PTPRJ: variants seen among roughly 807,000 people sequenced by gnomAD.
PTPRJ encodes the protein protein tyrosine phosphatase receptor type J, also known as receptor-type tyrosine-protein phosphatase eta.
In PTPRJ, 129 loss-of-function variants were observed where a neutral mutation model predicts 141.3. That is an observed-to-expected ratio of 0.91 (90% CI 0.79 to 1.06). The LOEUF is 1.06. Among genes scored for constraint, PTPRJ ranks in the 50% least tolerant of loss-of-function variants. The pLI is 0.00. For synonymous variants in PTPRJ, 610 were observed against 640.5 expected, an observed-to-expected ratio of 0.95 and a Z score of 0.72; for missense variants, 1,601 against 1,679.7, an observed-to-expected ratio of 0.95 and a Z score of 0.82.
chr11:48,129,017 A>G (rs1158070857), intron 7 of PTPRJ, among the ~76,000 whole-genome samples: 9 of 152,200 alleles, frequency 5.9e-5, no homozygotes. Context: ...ACAAAACCCA[A>G]GTATCCGTGG....
At chr11:48,165,632 T>C (rs537230015) in intron 24 of PTPRJ, among the ~76,000 whole-genome samples, 1 of 152,328 alleles carries the variant, frequency 6.6e-6, no homozygotes, top group Admixed American at 6.5e-5. Flanking sequence ...TTGCGTGCTC[T>C]GGGGTGAGCT....
At position 48,144,885 on chromosome 11, in the gene PTPRJ, G is replaced by T. The variant is rs772518466; in HGVS notation, c.2786G>T (p.Arg929Leu). ...AAGCTGGAACCTCTGGGCTCCTACC[G>T]GTAATGTCTTCTGGTTCTTACTCTT... ...NGKLEPLGSY[R>L]ACVAGFTNIT... Residue 929 changes from arginine to leucine, a missense_variant and splice_region_variant, in exon 13 of 25, where the codon CGG becomes CTG. Physicochemically the swap from Arg to Leu is moderately radical, Grantham distance 102. Transcript: ENST00000418331. 3 of 1,614,060 alleles carry T rather than the reference G, an allele frequency of 1.9e-6. No homozygotes were observed. Among genetic ancestry groups the T allele is most frequent in the Non-Finnish European group, 2.5e-6 (3 of 1,179,964 alleles).
At chr11:48,135,476 CTTTTTT>C (rs34709299) in intron 8 of PTPRJ, among the ~76,000 whole-genome samples, 4 of 58,218 alleles carry the variant, frequency 6.9e-5, no homozygotes, top group Non-Finnish European at 1.2e-4. Context: ...CGCGCCTGGC[CTTTTTT>C]TTTTTTTTTT....
In PTPRJ at chr11:48,124,877, T is replaced by C. The variant is rs566284865; in HGVS notation, c.875-91T>C. On this transcript the variant is annotated intron_variant, in intron 5 of 24. Coordinates refer to ENST00000418331, the MANE Select transcript of PTPRJ (RefSeq NM_002843.4). Reference sequence around the variant, plus strand: ...AGCACCAACTGTGGCCACTGTCTGATGGCCATCTGATGGGGTTGGGGCTCC... The same window carrying C: ...AGCACCAACTGTGGCCACTGTCTGACGGCCATCTGATGGGGTTGGGGCTCC... The C allele has an allele frequency of 5.8e-6, 7 of 1,202,278 alleles. No homozygotes were observed. In the East Asian group the frequency reaches 1.4e-4, roughly 24 times the overall value. 74.5% of individuals were successfully genotyped at this position (1,202,278 alleles called of 1,614,324 possible).
In PTPRJ at chr11:48,013,671, C is replaced by T. The variant is rs536256571; in HGVS notation, c.96+32663C>T. On this transcript the variant is annotated intron_variant, in intron 1 of 24. Transcript: ENST00000418331. ...AGAGGCGGGGCAGTGGGGCAGCTCA[C>T]GGCTGTGTGGGTAAGTAAGCAGTGA... is the stretch of plus-strand genomic sequence containing the variant. 3.6e-4 allele frequency among the ~76,000 whole-genome samples: 55 copies of T among 152,118 alleles called. 1 individual carries two copies. The South Asian group carries it at 9.6e-3, about 26-fold the overall frequency.
At chr11:48,057,730 A>G (rs1265176283) in intron 1 of PTPRJ, among the ~76,000 whole-genome samples, 1 of 152,082 alleles carries the variant, frequency 6.6e-6, no homozygotes, top group Non-Finnish European at 1.5e-5. Flanking sequence ...TGGAAGCCAG[A>G]CGTAGGGAAG....
chr11:48,103,289 T>C (rs1209068382), intron 1 of PTPRJ, among the ~76,000 whole-genome samples: 1 of 152,052 alleles, frequency 6.6e-6, no homozygotes, highest in Non-Finnish European at 1.5e-5. Flanking sequence ...GGAGACCCCA[T>C]TTCTACAAAA....
At chr11:48,038,733 A>G in intron 1 of PTPRJ, among the ~76,000 whole-genome samples, 1 of 148,302 alleles carries the variant, frequency 6.7e-6, no homozygotes, top group East Asian at 2.0e-4. Flanking sequence ...CTCGTGATCC[A>G]CCCACCTTGG....
intron 1 of PTPRJ, among the ~76,000 whole-genome samples, chr11:48,033,499 C>T (rs531863379): frequency 2.0e-4 from 30 of 152,202 alleles, no homozygotes; most frequent in African/African-American, 6.5e-4. Context: ...CCAGGCTCAG[C>T]GGATGTTCCT....
At chr11:48,161,947 A>T (rs61915956) in intron 22 of PTPRJ, among the ~76,000 whole-genome samples, 5,114 of 152,144 alleles carry the variant, frequency 0.034, 131 homozygotes, top group Non-Finnish European at 0.051. Context: ...TGCTCATTTG[A>T]ACTGACTGGC....
At chr11:48,139,034 G>A (rs752967515) in intron 10 of PTPRJ, among the ~76,000 whole-genome samples, 10 of 152,180 alleles carry the variant, frequency 6.6e-5, no homozygotes, top group Non-Finnish European at 1.2e-4. Flanking sequence ...TTGGGAGGCT[G>A]ACACAGGAGA....
chr11:48,061,996 T>C (rs987469642), intron 1 of PTPRJ, among the ~76,000 whole-genome samples: 1 of 150,418 alleles, frequency 6.6e-6, no homozygotes, highest in Admixed American at 6.7e-5. Context: ...GGCTCAGCCC[T>C]TGGGCTCAAA....
chr11:48,117,638 C>T (rs985608084), intron 3 of PTPRJ, among the ~76,000 whole-genome samples: 3 of 143,984 alleles, frequency 2.1e-5, no homozygotes, highest in Non-Finnish European at 4.5e-5. Context: ...ACAAAACCCT[C>T]AAGTAAATAA....
intron 22 of PTPRJ, among the ~76,000 whole-genome samples, chr11:48,161,374 G>A (rs930548172): frequency 6.6e-6 from 1 of 151,956 alleles, no homozygotes; most frequent in Non-Finnish European, 1.5e-5. Flanking sequence ...TGGGTTTTGG[G>A]GGTTGATGGG....
intron 1 of PTPRJ, among the ~76,000 whole-genome samples, chr11:48,076,261 A>G (rs535346728): frequency 2.5e-4 from 38 of 152,274 alleles, no homozygotes; most frequent in Non-Finnish European, 3.8e-4. Flanking sequence ...CTCTCCAAGC[A>G]TTGGTGTCTT....
chr11:48,102,925 C>T lies in PTPRJ; in HGVS notation c.97-7133C>T, dbSNP rs1028973528. On this transcript the variant is annotated intron_variant, in intron 1 of 24. Coordinates refer to ENST00000418331, the MANE Select transcript of PTPRJ (RefSeq NM_002843.4). ...GAAGAGATTAGCCCTGTGGAGGAGTCCAGGATTTGTATTTTAGTCTTGGTA... is the reference window on the plus strand; with the variant it reads ...GAAGAGATTAGCCCTGTGGAGGAGTTCAGGATTTGTATTTTAGTCTTGGTA... 7.9e-5 allele frequency among the ~76,000 whole-genome samples: 12 copies of T among 152,078 alleles called. No homozygotes were observed. In the South Asian group the frequency reaches 1.5e-3, roughly 18 times the overall value.
At chr11:48,091,482 T>A (rs961099659) in intron 1 of PTPRJ, among the ~76,000 whole-genome samples, 19 of 152,342 alleles carry the variant, frequency 1.2e-4, no homozygotes, top group African/African-American at 4.6e-4. Context: ...TAGGGCAGGA[T>A]AGCTCTTGTT....
intron 1 of PTPRJ, among the ~76,000 whole-genome samples, chr11:47,987,125 T>C (rs1001881313): frequency 1.3e-5 from 2 of 151,988 alleles, no homozygotes; most frequent in African/African-American, 4.8e-5. Flanking sequence ...GGAGGATGGC[T>C]TGAGCCCTGG....
At chr11:48,136,751 T>A (rs1045943683) in intron 9 of PTPRJ, among the ~76,000 whole-genome samples, 4 of 152,192 alleles carry the variant, frequency 2.6e-5, no homozygotes, top group Non-Finnish European at 5.9e-5. Context: ...GATTAGAAAT[T>A]AAATGTTAAA....
Sources: gnomAD v4.1 joint callset for allele counts (sites outside exome capture counted in the v4.1 genomes callset) on GRCh38, gnomAD v4.1.1 for gene constraint, MANE v1.5 for transcripts, NCBI Gene and HGNC (gene_info 2026-07-23, HGNC 2026-07-21) for gene names.